Variants in DSE observed in about 807,000 individuals in gnomAD.
The protein encoded by DSE is dermatan sulfate epimerase.
DSE carries 36 observed loss-of-function variants against 84.4 expected under a neutral mutation model. The ratio of observed to expected loss-of-function variants is 0.43; its 90% CI spans 0.33 to 0.56. DSE has a LOEUF of 0.56. DSE is among the 20% of genes least tolerant of loss of function. The probability of loss-of-function intolerance (pLI) is 0.06; values close to 1 mark genes in which losing one functional copy is unlikely to be tolerated. For missense variants in DSE, 862 were observed against 1,169.6 expected (o/e 0.74, Z 3.84); for synonymous variants, 410 against 430.1 (o/e 0.95, Z 0.58).
intron 2 of DSE, among the ~76,000 whole-genome samples, chr6:116,306,914 G>C (rs1775380177): frequency 6.6e-6 from 1 of 152,162 alleles, no homozygotes; most frequent in Non-Finnish European, 1.5e-5. Context: ...CTAGCACCTT[G>C]ATCTTGGACT....
In DSE at chr6:116,437,424, A is replaced by G. The variant is rs1784257457; in HGVS notation, c.*79A>G. The G allele has an allele frequency of 7.6e-7, 1 of 1,319,002 alleles. No individual in the cohort carries two copies. Among genetic ancestry groups the G allele is most frequent in the African/African-American group, 1.5e-5 (1 of 66,220 alleles). The allele number at this position is 1,319,002 out of a possible 1,614,324, so 81.7% of individuals were successfully genotyped here. A position where few individuals can be genotyped will look rare whatever the true frequency, so the allele number is the denominator to read the frequency against. ...AAAAAAAATTTCTTTACCCCAGATT[A>G]TCAGATTTTTTTCCCTCAGATTCAT... On this transcript the variant is annotated 3_prime_UTR_variant, in exon 6 of 6. Transcript: ENST00000644252.
At chr6:116,342,965 T>C (rs369043292) in intron 2 of DSE, among the ~76,000 whole-genome samples, 226 of 152,324 alleles carry the variant, frequency 1.5e-3, no homozygotes, top group African/African-American at 5.2e-3. Context: ...GCTTTTCCAA[T>C]GGTCTTAGCA....
intron 2 of DSE, among the ~76,000 whole-genome samples, chr6:116,411,159 ATGTGTGTGTGTG>A (rs146986827): frequency 2.6e-5 from 4 of 151,628 alleles, no homozygotes; most frequent in Admixed American, 2.6e-4. Context: ...GGGTGTGTGT[ATGTGTGTGTGTG>A]TTGTGCGTGT....
In DSE at chr6:116,437,244, G is replaced by A. The variant is rs372110042; in HGVS notation, c.2776G>A (p.Ala926Thr). 5 of 1,613,866 alleles carry A rather than the reference G, an allele frequency of 3.1e-6. No homozygotes were observed. Among genetic ancestry groups the A allele is most frequent in the Non-Finnish European group, 3.4e-6 (4 of 1,179,994 alleles). ...LAMQLTYFQR[A>T]QSLHGQRCLY... ...AATGCAACTGACTTATTTCCAGAGG[G>A]CCCAGAGCCTACATGGCCAAAGATG... The change falls in exon 6 of 6, where the codon GCC (alanine) becomes ACC (threonine). Residue 926 changes from alanine to threonine, a missense_variant. Ala to Thr is a moderately conservative substitution (Grantham distance 58). Around this residue, in one of 4 missense-constraint regions of DSE, gnomAD observed 315 missense variants for 348.1 expected, o/e 0.90. Transcript: ENST00000644252.
intron 2 of DSE, among the ~76,000 whole-genome samples, chr6:116,348,547 C>T (rs1051741821): frequency 9.2e-5 from 14 of 152,088 alleles, no homozygotes; most frequent in African/African-American, 3.1e-4. Flanking sequence ...GTAGTTCAAC[C>T]ATTGTGGAAG....
intron 2 of DSE, among the ~76,000 whole-genome samples, chr6:116,295,451 A>T (rs926125918): frequency 6.6e-6 from 1 of 152,178 alleles, no homozygotes; most frequent in Non-Finnish European, 1.5e-5. Flanking sequence ...TTCCTTCCAA[A>T]CATTTTTTAA....
chr6:116,409,896 A>C (rs1385738890), intron 2 of DSE, among the ~76,000 whole-genome samples: 1 of 152,174 alleles, frequency 6.6e-6, no homozygotes, highest in Non-Finnish European at 1.5e-5. Flanking sequence ...TGACTGTTCA[A>C]GCACAAGTAG....
At chr6:116,334,557 A>G (rs979119837) in intron 2 of DSE, among the ~76,000 whole-genome samples, 1 of 152,038 alleles carries the variant, frequency 6.6e-6, no homozygotes, top group Non-Finnish European at 1.5e-5. Context: ...TTTTGCCTTC[A>G]TTGCAATTGC....
chr6:116,353,510 A>G (rs10485180), intron 2 of DSE, among the ~76,000 whole-genome samples: 3,413 of 152,268 alleles, frequency 0.022, 127 homozygotes, highest in African/African-American at 0.077. Context: ...CTTTGTTTCA[A>G]TCATAATAAT....
At chr6:116,428,914 A>G (rs1783624680) in intron 3 of DSE, among the ~76,000 whole-genome samples, 1 of 152,208 alleles carries the variant, frequency 6.6e-6, no homozygotes, top group Admixed American at 6.5e-5. Context: ...AGCTTCAATT[A>G]ACAGTATCAG....
intron 1 of DSE, among the ~76,000 whole-genome samples, chr6:116,388,829 T>C (rs1186932473): frequency 6.6e-6 from 1 of 152,130 alleles, no homozygotes; most frequent in African/African-American, 2.4e-5. Context: ...AAGAAGTAGA[T>C]TGGTAATTGC....
chr6:116,358,198 T>C (rs149214524), intron 2 of DSE, among the ~76,000 whole-genome samples: 35 of 152,256 alleles, frequency 2.3e-4, no homozygotes, highest in Non-Finnish European at 1.0e-4. Flanking sequence ...GACTTGTAGG[T>C]GATTTTTTTG....
At chr6:116,371,217 G>C (rs1421012600) in intron 1 of DSE, 96 bp downstream of exon 1, 2 of 984,878 alleles carry the variant, frequency 2.0e-6, no homozygotes, top group Admixed American at 6.1e-5. Context: ...TCCCGGCGCG[G>C]GCGGGAGACG....
rs1014293642 is a variant in DSE at position 116,295,796 on chromosome 6, T to C, written c.-54+36829T>C. 3.3e-5 allele frequency among the ~76,000 whole-genome samples: 5 copies of C among 152,306 alleles called. No homozygotes were observed. The South Asian group carries it at 6.2e-4, about 19-fold the overall frequency. On this transcript the variant is annotated intron_variant, in intron 2 of 3. Coordinates refer to the DSE transcript ENST00000430252. ...TTCCATTCCAAAAATAAGCATAACA[T>C]TATCATAGAAGCCTCTTTGAAAGTA...
intron 1 of DSE, among the ~76,000 whole-genome samples, chr6:116,396,221 G>C (rs1488476413): frequency 1.3e-5 from 2 of 152,186 alleles, no homozygotes; most frequent in Non-Finnish European, 2.9e-5. Flanking sequence ...GATACATAGA[G>C]GAAGAAGGTT....
chr6:116,317,624 T>C (rs1300732188), intron 2 of DSE, among the ~76,000 whole-genome samples: 4 of 152,276 alleles, frequency 2.6e-5, no homozygotes, highest in African/African-American at 9.6e-5. Context: ...GTGTGTTGTT[T>C]GTATCATGTA....
At chr6:116,361,927 A>G (rs545383177) in intron 2 of DSE, among the ~76,000 whole-genome samples, 19 of 152,342 alleles carry the variant, frequency 1.2e-4, no homozygotes, top group Middle Eastern at 3.4e-3. Flanking sequence ...GAGCTATTCT[A>G]TCATCCTCCT....
At chr6:116,343,169 A>T (rs1485551021) in intron 2 of DSE, among the ~76,000 whole-genome samples, 1 of 152,238 alleles carries the variant, frequency 6.6e-6, no homozygotes, top group Non-Finnish European at 1.5e-5. Context: ...GGCAGAGCCC[A>T]CTGCAGGTCA....
At chr6:116,316,053 G>A (rs1775957598) in intron 2 of DSE, among the ~76,000 whole-genome samples, 1 of 152,014 alleles carries the variant, frequency 6.6e-6, no homozygotes, top group Non-Finnish European at 1.5e-5. Context: ...AAGGAATTTA[G>A]TGAGTTTGGA....
Sources: gnomAD v4.1 joint callset for allele counts (sites outside exome capture counted in the v4.1 genomes callset) on GRCh38, gnomAD v4.1.1 for gene constraint, gnomAD v4.1.1 regional missense constraint, MANE v1.5 for transcripts, NCBI Gene and HGNC (gene_info 2026-07-23, HGNC 2026-07-21) for gene names.